Variants in ALPK2 observed in about 807,000 individuals in gnomAD.
The protein encoded by ALPK2 is alpha kinase 2.
ALPK2 carries 127 observed loss-of-function variants against 163.1 expected under a neutral mutation model. The observed-to-expected ratio is 0.78, with a 90% CI of 0.67 to 0.90. The LOEUF (loss-of-function observed/expected upper bound fraction) is 0.90, where lower values mean the gene tolerates loss of function less well. ALPK2 is among the 40% of genes least tolerant of loss of function. The pLI, the probability that ALPK2 is intolerant of heterozygous loss-of-function variation, is 0.00. For synonymous variants in ALPK2, 953 were observed against 959.1 expected (o/e 0.99, Z 0.12); for missense variants, 2,360 against 2,589.6 (o/e 0.91, Z 1.92).
intron 12 of ALPK2, among the ~76,000 whole-genome samples, chr18:58,494,723 C>G (rs2051392866): frequency 6.6e-6 from 1 of 152,178 alleles, no homozygotes; most frequent in Non-Finnish European, 1.5e-5. Context: ...TGCTAAGAAT[C>G]AAGAGAACTT....
rs1253595745 is a variant in ALPK2, at chr18:58,579,056, G to C, written c.1720C>G (p.Pro574Ala). ...TCTCTTTTATCACTCTGGGTTAGTGGGGGCTCAGCAGATTCTTTGGCAGAG... is the reference window on the plus strand; with the variant it reads ...TCTCTTTTATCACTCTGGGTTAGTGCGGGCTCAGCAGATTCTTTGGCAGAG... ...LCSAKESAEP[P>A]LTQSDKRETS... The change falls in exon 4 of 13, where the codon CCA (proline) becomes GCA (alanine). Residue 574 changes from proline to alanine, a missense_variant. Coordinates refer to ENST00000361673, the MANE Select transcript of ALPK2 (RefSeq NM_052947.4). The C allele has an allele frequency of 1.2e-6, 2 of 1,614,080 alleles. No individual in the cohort carries two copies. Among genetic ancestry groups the C allele is most frequent in the African/African-American group, 2.7e-5 (2 of 74,924 alleles).
intron 3 of ALPK2, among the ~76,000 whole-genome samples, chr18:58,595,966 C>T (rs1486250391): frequency 3.3e-5 from 5 of 152,166 alleles, no homozygotes; most frequent in Admixed American, 2.6e-4. Flanking sequence ...CCAACGTTTC[C>T]ATCAAGGGTA....
intron 9 of ALPK2, 121 bp from the exon 10 acceptor site, chr18:58,515,202 C>CAGGGGATGGG: frequency 5.7e-6 from 4 of 707,078 alleles, no homozygotes; most frequent in Non-Finnish European, 8.8e-6. Context: ...CAAGCCCATC[C>CAGGGGATGGG]CCTGGTTGGG....
At chr18:58,494,882 C>T (rs2051393695) in intron 12 of ALPK2, among the ~76,000 whole-genome samples, 1 of 152,212 alleles carries the variant, frequency 6.6e-6, no homozygotes, top group Admixed American at 6.5e-5. Flanking sequence ...CAAGTCTGTC[C>T]TCATGAGTTA....
chr18:58,567,111 C>G (rs1250909667), intron 4 of ALPK2, among the ~76,000 whole-genome samples: 1 of 151,896 alleles, frequency 6.6e-6, no homozygotes, highest in African/African-American at 2.4e-5. Flanking sequence ...CATATTTTTT[C>G]ACGGTGGCTC....
intron 12 of ALPK2, among the ~76,000 whole-genome samples, chr18:58,487,677 A>G (rs1004487939): frequency 2.0e-5 from 3 of 152,112 alleles, no homozygotes; most frequent in African/African-American, 4.8e-5. Context: ...ATGTGAATCT[A>G]TCCATCCTCT....
intron 10 of ALPK2, among the ~76,000 whole-genome samples, chr18:58,508,500 A>G (rs28784919): frequency 0.23 from 34,768 of 152,182 alleles, 4,491 homozygotes; most frequent in South Asian, 0.41. Flanking sequence ...TGCTGATAAA[A>G]CAGCCTGAAA....
intron 1 of ALPK2, among the ~76,000 whole-genome samples, chr18:58,626,986 C>T (rs2052234158): frequency 6.6e-6 from 1 of 152,024 alleles, no homozygotes; most frequent in Admixed American, 6.5e-5. Context: ...CATCTAATCC[C>T]CCATCAATCC....
At position 58,579,157 on chromosome 18, in the gene ALPK2, G is replaced by C; in HGVS notation, c.1619C>G (p.Pro540Arg). 4 of 1,614,058 alleles carry C rather than the reference G, an allele frequency of 2.5e-6. No homozygotes were observed. The highest frequency in any genetic ancestry group is 3.4e-6 in the Non-Finnish European group (4 of 1,180,028). Residue 540 changes from proline to arginine, a missense_variant, in exon 4 of 13, where the codon CCG (proline) becomes CGG (arginine). By Grantham distance (103) the Pro-to-Arg change is moderately radical. Transcript: ENST00000361673. ...GSRKSARVRQPGMKGNPKKPN... is the reference protein window; with the variant it reads ...GSRKSARVRQRGMKGNPKKPN... ...CTTCTTGGGATTTCCCTTCATTCCC[G>C]GCTGCCTCACCCTGGCAGATTTCCT...
At chr18:58,492,263 GAC>G (rs765674742) in intron 12 of ALPK2, among the ~76,000 whole-genome samples, 3 of 151,748 alleles carry the variant, frequency 2.0e-5, no homozygotes, top group Non-Finnish European at 2.9e-5. Context: ...CAAAGACAAA[GAC>G]ACGCACACAG....
chr18:58,498,001 C>T (rs757227260), intron 12 of ALPK2, 48 bp downstream of exon 12: 22 of 1,581,832 alleles, frequency 1.4e-5, no homozygotes, highest in Admixed American at 1.7e-5. Context: ...TGGAAGGTGT[C>T]TGTAAGCCCA....
chr18:58,523,418 G>T (rs2051566112), intron 8 of ALPK2, among the ~76,000 whole-genome samples: 4 of 152,026 alleles, frequency 2.6e-5, no homozygotes, highest in Admixed American at 2.6e-4. Flanking sequence ...ATAGTCCTTT[G>T]GGTATATACC....
intron 1 of ALPK2, among the ~76,000 whole-genome samples, chr18:58,613,408 C>T (rs573047000): frequency 2.0e-5 from 3 of 152,230 alleles, no homozygotes; most frequent in African/African-American, 7.2e-5. Context: ...CCAAAGACAG[C>T]ACCTGGCCCG....
At chr18:58,503,006 C>T (rs1040597618) in intron 11 of ALPK2, among the ~76,000 whole-genome samples, 1 of 152,218 alleles carries the variant, frequency 6.6e-6, no homozygotes, top group Non-Finnish European at 1.5e-5. Context: ...CTCTACCAGT[C>T]GCCTTTCCTT....
chr18:58,546,777 G>A (rs62096278), intron 4 of ALPK2, among the ~76,000 whole-genome samples: 24,896 of 152,138 alleles, frequency 0.16, 2,434 homozygotes, highest in East Asian at 0.32. Context: ...CATAGATGAT[G>A]GGAGATTTCT....
chr18:58,613,019 G>A (rs2052141610), intron 1 of ALPK2, among the ~76,000 whole-genome samples: 1 of 152,192 alleles, frequency 6.6e-6, no homozygotes, highest in African/African-American at 2.4e-5. Flanking sequence ...CTCTTGGTAG[G>A]AGAGGCCAAA....
In ALPK2 at chr18:58,535,258, TG is replaced by T. The variant is rs1345298461; in HGVS notation, c.4928del (p.Pro1643GlnfsTer20). 1 of 1,614,168 alleles carries T rather than the reference TG, an allele frequency of 6.2e-7. No individual in the cohort carries two copies. The highest frequency in any genetic ancestry group is 1.1e-5 in the South Asian group (1 of 91,080). On this transcript the variant is annotated frameshift_variant, in exon 5 of 13. Transcript: ENST00000361673. ...TCTTCGCTGAGGAGCTAGATGAGCT[TG>T]GGGGTTTGGTTTCCCCAATTTGAAG... ...EVLQIGETKP[P>X]SSSSSSAKTL...
intron 4 of ALPK2, among the ~76,000 whole-genome samples, chr18:58,572,255 T>C (rs150056399): frequency 6.6e-6 from 1 of 152,266 alleles, no homozygotes; most frequent in East Asian, 1.9e-4. Flanking sequence ...TACCAAATGC[T>C]GGTGCAGATG....
At position 58,535,094 on chromosome 18, in the gene ALPK2, G is replaced by A. The variant is rs375605840; in HGVS notation, c.5093C>T (p.Ser1698Leu). 1.1e-5 allele frequency: 18 copies of A among 1,613,950 alleles called. No individual in the cohort carries two copies. The highest frequency in any genetic ancestry group is 9.3e-5 in the African/African-American group (7 of 74,880). Residue 1698 changes from serine to leucine, a missense_variant, in exon 5 of 13, where the codon TCG (serine) becomes TTG (leucine). Ser to Leu is a moderately radical substitution (Grantham distance 145). Coordinates refer to ENST00000361673, the MANE Select transcript of ALPK2 (RefSeq NM_052947.4). ...EKSLEARAGK[S>L]PGTLTAVTGS... The stretch of plus-strand genomic sequence containing the variant: ...CGTCACTGCTGTGAGGGTCCCTGGC[G>A]ATTTGCCTGCTCGGGCTTCCAGGGA...
Sources: allele counts gnomAD v4.1 joint callset (sites outside exome capture counted in the v4.1 genomes callset), GRCh38; gene constraint gnomAD v4.1.1; transcripts MANE v1.5; gene names NCBI Gene and HGNC (gene_info 2026-07-23, HGNC 2026-07-21).